The following RPH3A variants were observed in gnomAD, a reference collection of about 807,000 sequenced individuals.
RPH3A encodes rabphilin 3A.
RPH3A carries 48 observed loss-of-function variants against 102.2 expected under a neutral mutation model. That is an observed-to-expected ratio of 0.47 (90% CI 0.37 to 0.60). RPH3A has a LOEUF of 0.60. Among genes scored for constraint, RPH3A ranks in the 20% least tolerant of loss-of-function variants. RPH3A has a pLI of 0.00. For synonymous variants in RPH3A, 310 were observed against 324.3 expected, an observed-to-expected ratio of 0.96 and a Z score of 0.47; for missense variants, 781 against 910.1, an observed-to-expected ratio of 0.86 and a Z score of 1.83.
upstream of RPH3A, among the ~76,000 whole-genome samples, chr12:112,790,137 G>A (rs2041082654): frequency 6.6e-6 from 1 of 151,830 alleles, no homozygotes; most frequent in South Asian, 2.1e-4. Flanking sequence ...GCTCACTGCA[G>A]CCTCTGCCTT....
chr12:112,747,434 A>G lies in RPH3A; in HGVS notation c.-139-44709A>G, dbSNP rs60594884. Among the ~76,000 whole-genome samples, 507 of 152,350 alleles carry G rather than the reference A, an allele frequency of 3.3e-3. 5 individuals carry two copies. The highest frequency in any genetic ancestry group is 0.011 in the African/African-American group (475 of 41,576). On this transcript the variant is annotated intron_variant, in intron 1 of 21. Coordinates refer to the RPH3A transcript ENST00000543106. ...CTTTCCAGCCTCCAGAACTATAAGAAATAAATTTCTGTTATTTTTAAAGCT... is the reference window on the plus strand; with the variant it reads ...CTTTCCAGCCTCCAGAACTATAAGAGATAAATTTCTGTTATTTTTAAAGCT...
At chr12:112,593,474 G>T (rs1049268667) in intron 1 of RPH3A, among the ~76,000 whole-genome samples, 2 of 152,166 alleles carry the variant, frequency 1.3e-5, no homozygotes, top group African/African-American at 4.8e-5. Context: ...CATCCTGACC[G>T]ATACATTCTC....
At chr12:112,652,588 C>G (rs973856217) in intron 1 of RPH3A, among the ~76,000 whole-genome samples, 4 of 152,210 alleles carry the variant, frequency 2.6e-5, no homozygotes, top group African/African-American at 9.6e-5. Flanking sequence ...AACAGAGGCT[C>G]TGATCTTGGA....
At chr12:112,862,748 G>A (rs2042541087) in intron 5 of RPH3A, among the ~76,000 whole-genome samples, 1 of 152,238 alleles carries the variant, frequency 6.6e-6, no homozygotes, top group South Asian at 2.1e-4. Context: ...GGGCAGGGCA[G>A]CACCTCTCTC....
chr12:112,598,502 C>T (rs1175853176), intron 1 of RPH3A, among the ~76,000 whole-genome samples: 3 of 152,168 alleles, frequency 2.0e-5, no homozygotes, highest in Admixed American at 2.0e-4. Context: ...ATACATCATA[C>T]TCTTATGAGT....
chr12:112,795,634 C>T (rs1014387809), intron 2 of RPH3A, among the ~76,000 whole-genome samples: 1 of 152,100 alleles, frequency 6.6e-6, no homozygotes. Flanking sequence ...TCTCTCTGAG[C>T]CTCAGTTTCT....
rs573600978 is a variant in RPH3A at position 112,796,205 on chromosome 12, G to A, written c.-19+3942G>A. On this transcript the variant is annotated intron_variant, in intron 2 of 21. Coordinates refer to ENST00000389385, the MANE Select transcript of RPH3A (RefSeq NM_001143854.2). ...GCCCCAGAGAAGAATTCTAGGAGGA[G>A]AAGCACTGGTGACCACTCAGTCTTT... Among the ~76,000 whole-genome samples the A allele has an allele frequency of 2.3e-4, 35 of 152,336 alleles. No individual in the cohort carries two copies. The South Asian group carries it at 7.2e-3, about 32-fold the overall frequency.
chr12:112,689,137 A>G lies in RPH3A; in HGVS notation c.-139-103006A>G, dbSNP rs549083875. ...CTCAGATGAGAAGTTGCAAACTCAGATGTCTATAGTGGCCTGACAGGTAAC... is the reference window on the plus strand; with the variant it reads ...CTCAGATGAGAAGTTGCAAACTCAGGTGTCTATAGTGGCCTGACAGGTAAC... On this transcript the variant is annotated intron_variant, in intron 1 of 21. Coordinates refer to the RPH3A transcript ENST00000543106. Among the ~76,000 whole-genome samples the G allele has an allele frequency of 6.6e-5, 10 of 152,360 alleles. 1 individual carries two copies. The South Asian group carries it at 1.9e-3, about 28-fold the overall frequency.
chr12:112,607,038 G>T (rs568949047), intron 1 of RPH3A, among the ~76,000 whole-genome samples: 2 of 152,290 alleles, frequency 1.3e-5, no homozygotes, highest in South Asian at 4.1e-4. Flanking sequence ...GGGGGGATCA[G>T]ATAATACATA....
chr12:112,821,316 A>C (rs1378200943), intron 2 of RPH3A, among the ~76,000 whole-genome samples: 2 of 152,172 alleles, frequency 1.3e-5, no homozygotes, highest in Non-Finnish European at 2.9e-5. Context: ...GATGGAATAG[A>C]ATATACTCAG....
rs114031236 is a variant in RPH3A, at chr12:112,705,565, T to C, written c.-139-86578T>C. Reference sequence around the variant, plus strand: ...TAATTATGAAGGTAATTTAGACCCATGGAAAATTGTGTGGAAAAAAGTAGA... The same window carrying C: ...TAATTATGAAGGTAATTTAGACCCACGGAAAATTGTGTGGAAAAAAGTAGA... On this transcript the variant is annotated intron_variant, in intron 1 of 21. Coordinates refer to the RPH3A transcript ENST00000543106. 1.2e-3 allele frequency among the ~76,000 whole-genome samples: 181 copies of C among 152,302 alleles called. 2 individuals are homozygous for C. Among genetic ancestry groups the C allele is most frequent in the African/African-American group, 3.9e-3 (164 of 41,564 alleles).
At chr12:112,673,886 A>G (rs1436968412) in intron 1 of RPH3A, among the ~76,000 whole-genome samples, 1 of 151,864 alleles carries the variant, frequency 6.6e-6, no homozygotes. Context: ...CTCTATCTCC[A>G]TGAGTTTAAT....
At chr12:112,827,068 T>C (rs115907209) in intron 2 of RPH3A, among the ~76,000 whole-genome samples, 2,828 of 152,226 alleles carry the variant, frequency 0.019, 90 homozygotes, top group African/African-American at 0.064. Flanking sequence ...TTCAGCTTTA[T>C]TGAGATATAA....
At chr12:112,843,723 T>C (rs1315320951) in intron 4 of RPH3A, among the ~76,000 whole-genome samples, 1 of 152,166 alleles carries the variant, frequency 6.6e-6, no homozygotes, top group Non-Finnish European at 1.5e-5. Flanking sequence ...GTCACTGAGC[T>C]GCTTTGTAAT....
At chr12:112,781,211 AAC>A (rs869256154) in intron 1 of RPH3A, among the ~76,000 whole-genome samples, 2 of 151,752 alleles carry the variant, frequency 1.3e-5, no homozygotes, top group Non-Finnish European at 2.9e-5. Context: ...CAACAACAAC[AAC>A]AAAACAAAAA....
At chr12:112,590,400 G>A (rs1311007248) in intron 1 of RPH3A, among the ~76,000 whole-genome samples, 2 of 152,198 alleles carry the variant, frequency 1.3e-5, no homozygotes, top group African/African-American at 2.4e-5. Flanking sequence ...ACCTTGAGCA[G>A]GTCCTTTCTC....
intron 16 of RPH3A, among the ~76,000 whole-genome samples, chr12:112,887,480 G>A (rs1162400492): frequency 1.3e-5 from 2 of 152,206 alleles, no homozygotes; most frequent in Non-Finnish European, 2.9e-5. Flanking sequence ...GAGACAGGCA[G>A]TGACTAGAAA....
chr12:112,691,374 G>T (rs1354615891), intron 1 of RPH3A, among the ~76,000 whole-genome samples: 1 of 152,190 alleles, frequency 6.6e-6, no homozygotes. Context: ...GAAAGGAGAA[G>T]TGGGGGAGGA....
At chr12:112,793,681 A>C (rs982389976) in intron 2 of RPH3A, among the ~76,000 whole-genome samples, 2 of 152,224 alleles carry the variant, frequency 1.3e-5, no homozygotes, top group African/African-American at 4.8e-5. Flanking sequence ...CTTGAGTGTG[A>C]ATAATGAATG....
Sources: gnomAD v4.1 joint callset for allele counts (sites outside exome capture counted in the v4.1 genomes callset) on GRCh38, gnomAD v4.1.1 for gene constraint, MANE v1.5 for transcripts, NCBI Gene and HGNC (gene_info 2026-07-23, HGNC 2026-07-21) for gene names.